The following BICD1 variants were observed in gnomAD, a reference collection of about 807,000 sequenced individuals.
BICD1 encodes the protein BICD cargo adaptor 1, also known as protein bicaudal D homolog 1.
BICD1 carries 35 observed loss-of-function variants against 92.5 expected under a neutral mutation model. The observed-to-expected ratio is 0.38, with a 90% CI of 0.29 to 0.50. The LOEUF is 0.50. Ranked by LOEUF, BICD1 falls within the 20% of genes least tolerant of loss-of-function variation. The probability of loss-of-function intolerance (pLI) is 0.93; values close to 1 mark genes in which losing one functional copy is unlikely to be tolerated. For synonymous variants in BICD1, 429 were observed against 465.1 expected (o/e 0.92, Z 1.00); for missense variants, 950 against 1,189.8 (o/e 0.80, Z 2.97).
At chr12:32,237,041 AT>A (rs1429510241) in intron 2 of BICD1, among the ~76,000 whole-genome samples, 3 of 151,634 alleles carry the variant, frequency 2.0e-5, no homozygotes, top group African/African-American at 7.3e-5. Context: ...TACCCGGCTA[AT>A]TTTTTTGTAT....
intron 8 of BICD1, among the ~76,000 whole-genome samples, chr12:32,362,871 A>G (rs1248648661): frequency 1.3e-5 from 2 of 152,138 alleles, no homozygotes; most frequent in Non-Finnish European, 2.9e-5. Context: ...GAAGTTAAAG[A>G]AAAAAATATG....
At chr12:32,369,158 C>T (rs544642956) in intron 9 of BICD1, among the ~76,000 whole-genome samples, 6 of 152,214 alleles carry the variant, frequency 3.9e-5, no homozygotes, top group African/African-American at 9.6e-5. Context: ...CTGACAATTC[C>T]GATTCCAAAG....
At chr12:32,168,036 G>GTA (rs1491037385) in intron 1 of BICD1, among the ~76,000 whole-genome samples, 2 of 148,724 alleles carry the variant, frequency 1.3e-5, no homozygotes, top group African/African-American at 5.0e-5. Context: ...GTGTGTGTGT[G>GTA]TATACTTGTG....
chr12:32,230,853 G>A (rs145561142), intron 2 of BICD1, among the ~76,000 whole-genome samples: 6 of 138,432 alleles, frequency 4.3e-5, no homozygotes, highest in Admixed American at 7.7e-5. Flanking sequence ...AAAGGAAGGT[G>A]CATTATGCAC....
intron 1 of BICD1, among the ~76,000 whole-genome samples, chr12:32,115,164 T>A (rs1360488679): frequency 2.6e-5 from 4 of 152,136 alleles, no homozygotes; most frequent in African/African-American, 9.7e-5. Context: ...GCCTTTTCTA[T>A]TTTTCATTTC....
intron 4 of BICD1, among the ~76,000 whole-genome samples, chr12:32,309,129 A>G (rs1948308924): frequency 6.6e-6 from 1 of 152,168 alleles, no homozygotes; most frequent in Non-Finnish European, 1.5e-5. Context: ...TTAGCCACAC[A>G]TCTTTTTGGG....
intron 1 of BICD1, among the ~76,000 whole-genome samples, chr12:32,213,695 G>A (rs576754805): frequency 3.3e-5 from 5 of 152,220 alleles, no homozygotes; most frequent in Admixed American, 1.3e-4. Flanking sequence ...CACCGCACCC[G>A]GCCCCCAGTG....
intron 4 of BICD1, among the ~76,000 whole-genome samples, chr12:32,325,898 C>T (rs1314420767): frequency 6.6e-6 from 1 of 151,426 alleles, no homozygotes; most frequent in Non-Finnish European, 1.5e-5. Flanking sequence ...CTGGCTAACA[C>T]GGTGAAACCC....
At chr12:32,227,626 G>T in intron 2 of BICD1, 1 of 160,256 alleles carries the variant, frequency 6.2e-6, no homozygotes, top group South Asian at 1.9e-4. Flanking sequence ...ATCCATCATG[G>T]GAGGTCCTGG....
At chr12:32,371,133 A>G (rs1939723743) in intron 9 of BICD1, among the ~76,000 whole-genome samples, 1 of 152,196 alleles carries the variant, frequency 6.6e-6, no homozygotes, top group Non-Finnish European at 1.5e-5. Context: ...TACTACTACC[A>G]CAGGGATGAT....
Position 32,107,347 on chromosome 12 carries a change from G to A in BICD1, c.16G>A (p.Val6Ile). ...CACCGGGGCTATGGCCGCAGAAGAG[G>A]TATTGCAGACGGTGGACCATTATAA... The part of the protein sequence containing the change: MAAEE[V>I]LQTVDHYKTE... Residue 6 changes from valine (V) to isoleucine (I), a missense_variant, in exon 1 of 10, where the codon GTA (valine) becomes ATA (isoleucine). This residue lies in a region of BICD1 where 202 missense variants were observed against 205.3 expected (regional missense o/e 0.98). Transcript: ENST00000652176. 1 of 1,605,674 alleles carries A rather than the reference G, an allele frequency of 6.2e-7. No homozygotes were observed. The highest frequency in any genetic ancestry group is 8.5e-7 in the Non-Finnish European group (1 of 1,176,598).
At chr12:32,346,412 G>A (rs1340098278) in intron 8 of BICD1, among the ~76,000 whole-genome samples, 2 of 149,222 alleles carry the variant, frequency 1.3e-5, no homozygotes, top group Admixed American at 1.3e-4. Context: ...ACCTACTCAG[G>A]AGGCCAAGGT....
intron 2 of BICD1, chr12:32,227,982 A>T (rs532875284): frequency 1.7e-4 from 39 of 227,672 alleles, no homozygotes; most frequent in Non-Finnish European, 2.2e-4. Flanking sequence ...TCTTGGACAG[A>T]AAGATGATCG....
At position 32,377,766 on chromosome 12, in the gene BICD1, AGAAAGTT is replaced by A; in HGVS notation, c.*142_*148del. ...AATGTCCATCGTTTTGGAAGACGAG[AGAAAGTT>A]GAGAAGAACACGAAGCACAGACCCT... On this transcript the variant is annotated 3_prime_UTR_variant, in exon 10 of 10. Transcript: ENST00000652176. The A allele has an allele frequency of 1.4e-6, 1 of 725,876 alleles. No homozygotes were observed. The highest frequency in any genetic ancestry group is 1.8e-5 in the South Asian group (1 of 56,136). 45.0% of individuals were successfully genotyped at this position (725,876 alleles called of 1,614,324 possible). A position where few individuals can be genotyped will look rare whatever the true frequency, so the allele number is the denominator to read the frequency against.
rs1162567171 is a variant in BICD1 at position 32,380,075 on chromosome 12, A to C, written c.*2448A>C. 2 of 152,364 alleles carry C rather than the reference A, an allele frequency of 1.3e-5. No individual in the cohort carries two copies. The highest frequency in any genetic ancestry group is 2.1e-4 in the South Asian group (1 of 4,830). 9.4% of individuals were successfully genotyped at this position (152,364 alleles called of 1,614,324 possible). On this transcript the variant is annotated 3_prime_UTR_variant, in exon 10 of 10. Coordinates refer to ENST00000652176, the MANE Select transcript of BICD1 (RefSeq NM_001714.4). ...TTTCTGAAATACTAATTCTATGAAA[A>C]TAATAATTTTAGTGAATCTTTGCCA...
intron 5 of BICD1, among the ~76,000 whole-genome samples, chr12:32,330,860 C>T (rs911601860): frequency 2.0e-5 from 3 of 152,154 alleles, no homozygotes; most frequent in Admixed American, 6.5e-5. Flanking sequence ...TAGGTCTGGG[C>T]GCAATGGCTC....
chr12:32,297,057 A>C (rs938141000), intron 3 of BICD1, among the ~76,000 whole-genome samples: 2 of 152,204 alleles, frequency 1.3e-5, no homozygotes, highest in African/African-American at 4.8e-5. Flanking sequence ...ACAGAGCACC[A>C]TTCTGGTTTA....
chr12:32,152,243 T>A (rs942409400), intron 1 of BICD1, among the ~76,000 whole-genome samples: 1 of 138,262 alleles, frequency 7.2e-6, no homozygotes, highest in African/African-American at 2.8e-5. Context: ...AGGCAGAGAC[T>A]AGTTTTTTTT....
In BICD1 at chr12:32,294,067, G is replaced by A. The variant is rs945384185; in HGVS notation, c.500G>A (p.Arg167Gln). The A allele has an allele frequency of 3.7e-6, 6 of 1,612,676 alleles. No individual in the cohort carries two copies. The highest frequency in any genetic ancestry group is 2.2e-5 in the East Asian group (1 of 44,856). ...CGAGAATATAAGTTCCGGGAGGCACGGCTCCTTCAGGACTATACTGAATTG... is the reference window on the plus strand; with the variant it reads ...CGAGAATATAAGTTCCGGGAGGCACAGCTCCTTCAGGACTATACTGAATTG... ...EIREYKFREA[R>Q]LLQDYTELEE... is the part of the protein sequence containing the mutation. The change falls in exon 3 of 10, where the codon CGG becomes CAG. Residue 167 changes from arginine to glutamine, a missense_variant. Around this residue, in one of 5 missense-constraint regions of BICD1, gnomAD observed 202 missense variants for 205.3 expected, o/e 0.98. Coordinates refer to ENST00000652176, the MANE Select transcript of BICD1 (RefSeq NM_001714.4).
Sources: gnomAD v4.1 joint callset for allele counts (sites outside exome capture counted in the v4.1 genomes callset) on GRCh38, gnomAD v4.1.1 for gene constraint, gnomAD v4.1.1 regional missense constraint, MANE v1.5 for transcripts, NCBI Gene and HGNC (gene_info 2026-07-23, HGNC 2026-07-21) for gene names.